Variants in PRR14L observed in about 807,000 individuals in gnomAD.
PRR14L encodes the protein protein PRR14L.
In PRR14L, 80 loss-of-function variants were observed where a neutral mutation model predicts 155.0. The observed-to-expected ratio is 0.52, with a 90% CI of 0.43 to 0.62. The LOEUF is 0.62. PRR14L is among the 20% of genes least tolerant of loss of function. The pLI is 0.00. For missense variants in PRR14L, 2,469 were observed against 2,548.0 expected, an observed-to-expected ratio of 0.97 and a Z score of 0.67; for synonymous variants, 883 against 916.0, an observed-to-expected ratio of 0.96 and a Z score of 0.65.
intron 1 of PRR14L, among the ~76,000 whole-genome samples, chr22:31,745,382 A>G (rs1043913461): frequency 8.0e-6 from 1 of 124,444 alleles, no homozygotes; most frequent in African/African-American, 3.0e-5. Context: ...GTCTCAAAAA[A>G]TAAAAAATAA....
intron 7 of PRR14L, 44 bp from the exon 8 acceptor site, chr22:31,688,271 T>TC: frequency 1.6e-6 from 2 of 1,217,000 alleles, no homozygotes; most frequent in South Asian, 1.7e-5. Flanking sequence ...TCTCTCTCTC[T>TC]TTTTTTTTTC....
intron 7 of PRR14L, among the ~76,000 whole-genome samples, chr22:31,690,329 G>A (rs1384612649): frequency 4.6e-5 from 7 of 151,476 alleles, no homozygotes; most frequent in African/African-American, 7.3e-5. Flanking sequence ...GATTACAGGC[G>A]TGAGCCACCA....
At chr22:31,694,849 C>T (rs754385079) in intron 7 of PRR14L, among the ~76,000 whole-genome samples, 1 of 151,758 alleles carries the variant, frequency 6.6e-6, no homozygotes, top group African/African-American at 2.4e-5. Context: ...CACTTTGAGG[C>T]CGAGATGGGC....
chr22:31,708,041 C>G (rs944868014), intron 4 of PRR14L, among the ~76,000 whole-genome samples: 1 of 151,900 alleles, frequency 6.6e-6, no homozygotes, highest in Admixed American at 6.6e-5. Context: ...CCCAGCTACT[C>G]AGGAGGCTGG....
At position 31,715,826 on chromosome 22, in the gene PRR14L, T is replaced by C. The variant is rs1018478166; in HGVS notation, c.2013A>G (p.Leu671=). 6.4e-7 allele frequency: 1 copy of C among 1,551,684 alleles called. No homozygotes were observed. Among genetic ancestry groups the C allele is most frequent in the African/African-American group, 1.4e-5 (1 of 73,176 alleles). ...AAGGCATCTCTTTGTTTAAATGCAGTAGAGAGTCAGTTGGCAAATTTGCAT... is the reference window on the plus strand; with the variant it reads ...AAGGCATCTCTTTGTTTAAATGCAGCAGAGAGTCAGTTGGCAAATTTGCAT... ...QEHANLPTDS[L]LHLNKEMPLA... is the part of the protein sequence containing the mutation. The change falls in exon 4 of 9, where the codon CTA becomes CTG. Residue 671 remains leucine (L), a synonymous_variant. Transcript: ENST00000327423.
chr22:31,718,109 G>A (rs1211435545), intron 3 of PRR14L, among the ~76,000 whole-genome samples: 1 of 151,674 alleles, frequency 6.6e-6, no homozygotes, highest in East Asian at 1.9e-4. Flanking sequence ...TGTAGTTTTA[G>A]TAGAGACGGA....
rs1289965433 is a variant in PRR14L, at chr22:31,714,016, T to C, written c.3823A>G (p.Lys1275Glu). The change falls in exon 4 of 9, where the codon AAG (lysine) becomes GAG (glutamate). Residue 1275 changes from lysine to glutamate, a missense_variant. By Grantham distance (56) the Lys-to-Glu change is moderately conservative (BLOSUM62 1). Coordinates refer to ENST00000327423, the MANE Select transcript of PRR14L (RefSeq NM_173566.3). ...ATCTCAGGAAGGACTGTGCAGTCCT[T>C]TACATTTTCACAAAGCATTTCACCA... Reference protein sequence around the residue: ...KDGEMLCENVKDCTVLPEMKE... With the variant: ...KDGEMLCENVEDCTVLPEMKE... 2 of 1,551,316 alleles carry C rather than the reference T, an allele frequency of 1.3e-6. No homozygotes were observed. The highest frequency in any genetic ancestry group is 1.4e-5 in the African/African-American group (1 of 73,034).
chr22:31,712,562 A>T lies in PRR14L; in HGVS notation c.5277T>A (p.Pro1759=), dbSNP rs1358718775. The T allele has an allele frequency of 6.4e-7, 1 of 1,551,690 alleles. No homozygotes were observed. ...LGEALQCPSQ[P]PKWTFSFFLS... ...AGAAGAAAGAAAAGGTCCACTTGGG[A>T]GGTTGAGACGGGCACTGGAGGGCCT... The change falls in exon 4 of 9, where the codon CCT becomes CCA. Residue 1759 remains proline, a synonymous_variant. Transcript: ENST00000327423.
chr22:31,719,733 G>A (rs1180956953), intron 3 of PRR14L, among the ~76,000 whole-genome samples: 1 of 150,068 alleles, frequency 6.7e-6, no homozygotes, highest in Non-Finnish European at 1.5e-5. Flanking sequence ...TCATGGCTCT[G>A]TGACACTTTT....
In PRR14L at chr22:31,715,441, TG is replaced by T. The variant is rs1163920855; in HGVS notation, c.2397del (p.Asn799LysfsTer22). On this transcript the variant is annotated frameshift_variant, in exon 4 of 9. Transcript: ENST00000327423. LOFTEE classifies it high-confidence loss of function. ...HRVRKNVSQENMCSASAAFKS... is the reference protein window; with the variant it reads ...HRVRKNVSQEXMCSASAAFKS... ...TTGAAAGCAGCAGAAGCAGAACACA[TG>T]TTTTCCTGGGATACATTTTTTCTTA... 6.4e-7 allele frequency: 1 copy of T among 1,552,362 alleles called. No individual in the cohort carries two copies. The highest frequency in any genetic ancestry group is 2.0e-5 in the Admixed American group (1 of 51,008).
chr22:31,697,319 A>AG (rs1206569927), intron 7 of PRR14L, among the ~76,000 whole-genome samples: 3 of 151,572 alleles, frequency 2.0e-5, no homozygotes, highest in Admixed American at 2.0e-4. Flanking sequence ...AAAAAAAAAA[A>AG]AAAGAAATTG....
chr22:31,741,697 C>G (rs1055016340), intron 1 of PRR14L, among the ~76,000 whole-genome samples: 3 of 151,910 alleles, frequency 2.0e-5, no homozygotes, highest in African/African-American at 7.3e-5. Flanking sequence ...TATGGTGAAA[C>G]CCTGTCTCTA....
At chr22:31,747,316 G>A (rs2074844049) in intron 1 of PRR14L, among the ~76,000 whole-genome samples, 1 of 149,530 alleles carries the variant, frequency 6.7e-6, no homozygotes, top group African/African-American at 2.5e-5. Context: ...GTTTCTCCAT[G>A]TTGGTCAGGC....
chr22:31,691,894 G>A (rs1470860751), intron 7 of PRR14L, among the ~76,000 whole-genome samples: 7 of 150,084 alleles, frequency 4.7e-5, no homozygotes, highest in Admixed American at 2.7e-4. Flanking sequence ...TTGAGACAGA[G>A]TCTTGCTCTA....
At chr22:31,703,774 G>A in intron 5 of PRR14L, 53 bp from the exon 6 acceptor site, 2 of 1,123,542 alleles carry the variant, frequency 1.8e-6, no homozygotes, top group Non-Finnish European at 1.2e-6. Context: ...TCTACTTCCA[G>A]CACATTCAAC....
chr22:31,748,650 G>A (rs1037733776), intron 1 of PRR14L, among the ~76,000 whole-genome samples: 1 of 152,168 alleles, frequency 6.6e-6, no homozygotes, highest in African/African-American at 2.4e-5. Flanking sequence ...CCCACTTGGG[G>A]GGGTGGGAAG....
chr22:31,733,013 G>A (rs1202179724), intron 2 of PRR14L, among the ~76,000 whole-genome samples: 3 of 147,594 alleles, frequency 2.0e-5, no homozygotes, highest in African/African-American at 7.5e-5. Context: ...TTGAGACAGA[G>A]TTTTGCTCTT....
In PRR14L at chr22:31,716,229, T is replaced by TA; in HGVS notation, c.1609dup (p.Tyr537LeufsTer3). 1 of 1,551,414 alleles carries TA rather than the reference T, an allele frequency of 6.4e-7. No homozygotes were observed. The highest frequency in any genetic ancestry group is 8.7e-7 in the Non-Finnish European group (1 of 1,146,746). On this transcript the variant is annotated frameshift_variant, in exon 4 of 9. Coordinates refer to ENST00000327423, the MANE Select transcript of PRR14L (RefSeq NM_173566.3). LOFTEE classifies it high-confidence loss of function. ...GACTAAGGAGTTACAGTCTTTAGTG[T>TA]AAAAAGATTTACTTAATATATTGGG...
At chr22:31,712,011 G>T in intron 4 of PRR14L, 72 bp downstream of exon 4, 2 of 1,390,978 alleles carry the variant, frequency 1.4e-6, no homozygotes, top group Non-Finnish European at 2.0e-6. Flanking sequence ...ATTTCCCGCA[G>T]TTCCCCTCTC....
Sources: allele counts gnomAD v4.1 joint callset (sites outside exome capture counted in the v4.1 genomes callset), GRCh38; gene constraint gnomAD v4.1.1; transcripts MANE v1.5; gene names NCBI Gene and HGNC (gene_info 2026-07-23, HGNC 2026-07-21).